RNF19A: variants seen among roughly 807,000 people sequenced by gnomAD.
The protein encoded by RNF19A is ring finger protein 19A, RBR E3 ubiquitin protein ligase, also known as E3 ubiquitin-protein ligase RNF19A.
Under a neutral mutation model 75.7 loss-of-function variants are expected in RNF19A, and 32 were observed. That is an observed-to-expected ratio of 0.42 (90% CI 0.32 to 0.57). The LOEUF is 0.57. RNF19A is among the 20% of genes least tolerant of loss of function. The pLI is 0.10. For synonymous variants in RNF19A, 335 were observed against 345.2 expected (o/e 0.97, Z 0.33); for missense variants, 782 against 1,036.3 (o/e 0.75, Z 3.37).
Position 100,287,553 on chromosome 8 carries a change from G to A in RNF19A, c.622C>T (p.Arg208Trp), listed in dbSNP as rs780155134. 1.9e-6 allele frequency: 3 copies of A among 1,614,038 alleles called. No individual in the cohort carries two copies. The highest frequency in any genetic ancestry group is 1.7e-5 in the Admixed American group (1 of 60,012). ...MEKYEEFMLR[R>W]WLVADPDCRW... ...CAATCAGGATCTGCAACAAGCCACC[G>A]TCTAAGCATAAATTCTTCGTATTTT... Residue 208 changes from arginine (R) to tryptophan (W), a missense_variant, in exon 2 of 10, where the codon CGG becomes TGG. Coordinates refer to ENST00000341084, the MANE Select transcript of RNF19A (RefSeq NM_183419.4). This position sits in a 1 kb window ranked among gnomAD's most constrained non-coding sequence, Gnocchi z 4.1.
chr8:100,329,215 G>A lies in RNF19A; in HGVS notation c.-243+6893C>T, dbSNP rs1822578683. ...TGGCAGTGGCTGACTTGAAACCACAGGTCAAAGCTCATCTCACACATGCAC... is the reference window on the plus strand; with the variant it reads ...TGGCAGTGGCTGACTTGAAACCACAAGTCAAAGCTCATCTCACACATGCAC... On this transcript the variant is annotated intron_variant, in intron 1 of 3. Coordinates refer to the RNF19A transcript ENST00000519527. This position sits in a 1 kb window ranked among gnomAD's most constrained non-coding sequence, Gnocchi z 4.3. Among the ~76,000 whole-genome samples, 1 of 152,142 alleles carries A rather than the reference G, an allele frequency of 6.6e-6. No individual in the cohort carries two copies. The highest frequency in any genetic ancestry group is 1.5e-5 in the Non-Finnish European group (1 of 68,034).
Position 100,330,118 on chromosome 8 carries a change from C to T in RNF19A, c.-243+5990G>A, listed in dbSNP as rs75338507. On this transcript the variant is annotated intron_variant, in intron 1 of 3. Transcript: ENST00000519527. The surrounding 1 kb of genome is among the most constrained non-coding windows in gnomAD (Gnocchi z 4.1). The stretch of plus-strand genomic sequence containing the variant: ...AGAGTTCATAATTATTCTCTACCGA[C>T]GTTTCCATCCAAACACCATCCCTTC... 7.9e-5 allele frequency among the ~76,000 whole-genome samples: 12 copies of T among 152,232 alleles called. No individual in the cohort carries two copies. The East Asian group carries it at 1.9e-3, about 24-fold the overall frequency.
intron 2 of RNF19A, among the ~76,000 whole-genome samples, chr8:100,277,623 ACCAATT>A (rs1267196959): frequency 6.6e-6 from 1 of 152,140 alleles, no homozygotes; most frequent in East Asian, 1.9e-4. Context: ...TTTCTGATAG[ACCAATT>A]ATCTAATTAC....
At position 100,265,836 on chromosome 8, in the gene RNF19A, A is replaced by AG. The variant is rs745560606; in HGVS notation, c.1192-1052dup. Among the ~76,000 whole-genome samples, 30 of 152,226 alleles carry AG rather than the reference A, an allele frequency of 2.0e-4. No individual in the cohort carries two copies. The East Asian group carries it at 5.4e-3, about 27-fold the overall frequency. ...AATCCCATTTCCCAGCATTGACTAG[A>AG]GGTTCCTTGTCAATGAGCCTCCTCA... On this transcript the variant is annotated intron_variant, in intron 5 of 9. Coordinates refer to ENST00000341084, the MANE Select transcript of RNF19A (RefSeq NM_183419.4).
At chr8:100,293,392 A>C (rs559127304) in intron 1 of RNF19A, among the ~76,000 whole-genome samples, 1 of 152,356 alleles carries the variant, frequency 6.6e-6, no homozygotes, top group East Asian at 1.9e-4. Flanking sequence ...CCAGGTTGAT[A>C]TCTTTATCCT....
intron 5 of RNF19A, among the ~76,000 whole-genome samples, chr8:100,265,564 T>C (rs934300924): frequency 2.0e-5 from 3 of 152,150 alleles, no homozygotes; most frequent in African/African-American, 4.8e-5. Context: ...TGGCACATTT[T>C]CCCCCTCTGT....
intron 1 of RNF19A, among the ~76,000 whole-genome samples, chr8:100,334,089 C>G (rs958013848): frequency 1.3e-5 from 2 of 152,236 alleles, no homozygotes; most frequent in African/African-American, 4.8e-5. Flanking sequence ...GCTTGTAATG[C>G]ACTTCCTCAG....
In RNF19A at chr8:100,325,916, T is replaced by C. The variant is rs1389544979; in HGVS notation, c.-243+10192A>G. Among the ~76,000 whole-genome samples the C allele has an allele frequency of 5.3e-5, 8 of 152,220 alleles. No homozygotes were observed. The highest frequency in any genetic ancestry group is 4.6e-4 in the Admixed American group (7 of 15,282). Reference sequence around the variant, plus strand: ...ACAAACTGAGCTACTAGAGAAAACATATCAGACACAGTCCATGTCTGAACA... The same window carrying C: ...ACAAACTGAGCTACTAGAGAAAACACATCAGACACAGTCCATGTCTGAACA... On this transcript the variant is annotated intron_variant, in intron 1 of 3. Coordinates refer to the RNF19A transcript ENST00000519527. This position sits in a 1 kb window ranked among gnomAD's most constrained non-coding sequence, Gnocchi z 4.3.
Position 100,287,008 on chromosome 8 carries a change from TTATG to T in RNF19A, c.674+489_674+492del, listed in dbSNP as rs1563851562. On this transcript the variant is annotated intron_variant, in intron 2 of 9. Transcript: ENST00000341084. This position sits in a 1 kb window ranked among gnomAD's most constrained non-coding sequence, Gnocchi z 4.1. ...CCTAGAACTTGAGACTAGCAAATGCTTATGTATATCAACATGAACACATCATACT... is the reference window on the plus strand; with the variant it reads ...CCTAGAACTTGAGACTAGCAAATGCTTATATCAACATGAACACATCATACT... Among the ~76,000 whole-genome samples, 1 of 152,206 alleles carries T rather than the reference TTATG, an allele frequency of 6.6e-6. No individual in the cohort carries two copies. Among genetic ancestry groups the T allele is most frequent in the Non-Finnish European group, 1.5e-5 (1 of 68,036 alleles).
chr8:100,321,840 C>T (rs1788181), intron 1 of RNF19A, among the ~76,000 whole-genome samples: 70,222 of 152,030 alleles, frequency 0.46, 17,173 homozygotes, highest in African/African-American at 0.63. Context: ...GTCAGTGAGA[C>T]ATAATATTTT....
At chr8:100,301,277 G>A (rs1821814624) in intron 1 of RNF19A, among the ~76,000 whole-genome samples, 1 of 152,134 alleles carries the variant, frequency 6.6e-6, no homozygotes, top group South Asian at 2.1e-4. Flanking sequence ...CACAGCTAAC[G>A]TGGCAGAGCT....
chr8:100,293,260 C>T (rs1448053239), intron 1 of RNF19A, among the ~76,000 whole-genome samples: 26 of 152,192 alleles, frequency 1.7e-4, no homozygotes, highest in Admixed American at 1.7e-3. Flanking sequence ...GCCTCAAGAA[C>T]TTCCATTAGC....
intron 1 of RNF19A, among the ~76,000 whole-genome samples, chr8:100,335,143 TA>T (rs752869943): frequency 3.3e-5 from 5 of 152,248 alleles, no homozygotes; most frequent in Non-Finnish European, 5.9e-5. Flanking sequence ...TCAACCATTA[TA>T]AAAACTCTAC....
intron 2 of RNF19A, among the ~76,000 whole-genome samples, chr8:100,276,738 A>G (rs2510206): frequency 0.32 from 47,777 of 149,996 alleles, 8,260 homozygotes; most frequent in East Asian, 0.41. Flanking sequence ...AAAAAAAAAA[A>G]AAAAAGAAAA....
chr8:100,263,606 C>T (rs1819828894), intron 7 of RNF19A, among the ~76,000 whole-genome samples: 1 of 152,182 alleles, frequency 6.6e-6, no homozygotes, highest in Non-Finnish European at 1.5e-5. Flanking sequence ...CTCCTATAGG[C>T]AGTCTATGAA....
intron 1 of RNF19A, among the ~76,000 whole-genome samples, chr8:100,289,728 T>C (rs1821199911): frequency 6.6e-6 from 1 of 152,162 alleles, no homozygotes. Flanking sequence ...TGGAAAACTG[T>C]TTAACAATAT....
rs1822399726 is a variant in RNF19A, at chr8:100,317,349, A to G, written c.-242-3977T>C. 2.0e-5 allele frequency among the ~76,000 whole-genome samples: 3 copies of G among 152,240 alleles called. No homozygotes were observed. Among genetic ancestry groups the G allele is most frequent in the South Asian group, 2.1e-4 (1 of 4,836 alleles). ...GACTGCCAGCACGCTGTCACCTCTC[A>G]TAAGTGTTTCAGTCATTATGATAAT... On this transcript the variant is annotated intron_variant, in intron 1 of 3. Transcript: ENST00000519527. This position sits in a 1 kb window ranked among gnomAD's most constrained non-coding sequence, Gnocchi z 4.3.
rs533130691 is a variant in RNF19A, at chr8:100,269,338, C to CGA, written c.1029-393_1029-392dup. 6.7e-5 allele frequency among the ~76,000 whole-genome samples: 10 copies of CGA among 150,020 alleles called. No individual in the cohort carries two copies. The East Asian group carries it at 2.0e-3, about 29-fold the overall frequency. On this transcript the variant is annotated intron_variant, in intron 4 of 9. Coordinates refer to ENST00000341084, the MANE Select transcript of RNF19A (RefSeq NM_183419.4). The surrounding 1 kb of genome is among the most constrained non-coding windows in gnomAD (Gnocchi z 5.7). ...TCACAAACTCACTCTGTAGCCTAAA[C>CGA]GATAAAATTTATGTATGGGAAAATT...
chr8:100,305,223 G>A (rs1371458207), intron 1 of RNF19A, among the ~76,000 whole-genome samples: 1 of 152,132 alleles, frequency 6.6e-6, no homozygotes, highest in African/African-American at 2.4e-5. Flanking sequence ...TTATACATTG[G>A]GAAAGACAGT....
Sources: allele counts gnomAD v4.1 joint callset (sites outside exome capture counted in the v4.1 genomes callset), GRCh38; gene constraint gnomAD v4.1.1; non-coding constraint Gnocchi (gnomAD v3.1); transcripts MANE v1.5; gene names NCBI Gene and HGNC (gene_info 2026-07-23, HGNC 2026-07-21).